The following PLCB1 variants were observed in gnomAD, a reference collection of about 807,000 sequenced individuals.
The protein encoded by PLCB1 is 1-phosphatidylinositol 4,5-bisphosphate phosphodiesterase beta-1.
In PLCB1, 46 loss-of-function variants were observed where a neutral mutation model predicts 161.8. The ratio of observed to expected loss-of-function variants is 0.28; its 90% confidence interval spans 0.22 to 0.36. PLCB1 has a LOEUF of 0.36. PLCB1 is among the 10% of genes least tolerant of loss of function. The pLI is 1.00. For missense variants in PLCB1, 1,016 were observed against 1,472.5 expected (o/e 0.69, Z 5.07); for synonymous variants, 517 against 503.7 (o/e 1.03, Z -0.35).
chr20:8,157,652 A>G (rs1209455893), intron 2 of PLCB1, among the ~76,000 whole-genome samples: 2 of 152,238 alleles, frequency 1.3e-5, no homozygotes, highest in East Asian at 3.8e-4. Context: ...TAGACACAAC[A>G]TACAAATAAA....
rs527327498 is a variant in PLCB1, at chr20:8,574,691, G to T, written c.247-53603G>T. ...AGTCAATCCCACTGGAAACTGGGAG[G>T]CATGATCAAATACAAGCCTCAGAGT... On this transcript the variant is annotated intron_variant, in intron 3 of 31. Transcript: ENST00000338037. 2.0e-5 allele frequency among the ~76,000 whole-genome samples: 3 copies of T among 147,556 alleles called. No homozygotes were observed. In the South Asian group the frequency reaches 6.2e-4, roughly 31 times the overall value.
At chr20:8,477,672 G>T (rs963436604) in intron 3 of PLCB1, among the ~76,000 whole-genome samples, 3 of 152,174 alleles carry the variant, frequency 2.0e-5, no homozygotes, top group African/African-American at 7.2e-5. Context: ...TAGGGAGCAG[G>T]TGTGTCACAT....
At chr20:8,869,698 T>A (rs557232224) in intron 31 of PLCB1, among the ~76,000 whole-genome samples, 1 of 152,322 alleles carries the variant, frequency 6.6e-6, no homozygotes, top group South Asian at 2.1e-4. Flanking sequence ...ATTTATTTAG[T>A]TCATAAGATT....
At chr20:8,542,981 A>T (rs1359875328) in intron 3 of PLCB1, among the ~76,000 whole-genome samples, 3 of 152,232 alleles carry the variant, frequency 2.0e-5, no homozygotes, top group Non-Finnish European at 2.9e-5. Context: ...ATATCAAGGC[A>T]TGGAGAATAC....
At chr20:8,391,867 G>A (rs933588135) in intron 3 of PLCB1, among the ~76,000 whole-genome samples, 4 of 144,974 alleles carry the variant, frequency 2.8e-5, no homozygotes, top group African/African-American at 1.0e-4. Flanking sequence ...CTCAATTTTG[G>A]AGATTAGGTC....
At chr20:8,743,854 A>G (rs1283404099) in intron 23 of PLCB1, among the ~76,000 whole-genome samples, 1 of 152,148 alleles carries the variant, frequency 6.6e-6, no homozygotes. Flanking sequence ...AGACTGTTCT[A>G]TGAGTTTCTC....
chr20:8,285,848 G>A (rs1983093520), intron 2 of PLCB1, among the ~76,000 whole-genome samples: 1 of 152,128 alleles, frequency 6.6e-6, no homozygotes, highest in Non-Finnish European at 1.5e-5. Context: ...TCAAGTGAGA[G>A]GCTTCCAAGA....
At chr20:8,879,338 C>T (rs1420724234) in intron 31 of PLCB1, among the ~76,000 whole-genome samples, 1 of 150,148 alleles carries the variant, frequency 6.7e-6, no homozygotes, top group Non-Finnish European at 1.5e-5. Context: ...GATCCATAAT[C>T]TGTTATCTGA....
At chr20:8,276,986 C>CTTCTTCTTATTATTATTATTATTATTA in intron 2 of PLCB1, among the ~76,000 whole-genome samples, 1 of 93,350 alleles carries the variant, frequency 1.1e-5, no homozygotes, top group East Asian at 3.5e-4. Flanking sequence ...TCTTCTTCTT[C>CTTCTTCTTATTATTATTATTATTATTA]TTATTATTAT....
At chr20:8,561,330 T>C (rs1375486189) in intron 3 of PLCB1, among the ~76,000 whole-genome samples, 2 of 151,998 alleles carry the variant, frequency 1.3e-5, no homozygotes, top group Non-Finnish European at 2.9e-5. Context: ...ATGAACCGTA[T>C]AACTAAGTTT....
chr20:8,329,320 CTTTTTTT>C (rs11477930), intron 2 of PLCB1, among the ~76,000 whole-genome samples: 1 of 139,492 alleles, frequency 7.2e-6, no homozygotes, highest in Non-Finnish European at 1.6e-5. Context: ...AAAATAAATA[CTTTTTTT>C]TTTTTTTTTT....
At position 8,171,964 on chromosome 20, in the gene PLCB1, C is replaced by A. The variant is rs145405893; in HGVS notation, c.177+21593C>A. 2.3e-3 allele frequency among the ~76,000 whole-genome samples: 344 copies of A among 152,100 alleles called. 2 individuals carry two copies. The highest frequency in any genetic ancestry group is 7.9e-3 in the African/African-American group (329 of 41,494). On this transcript the variant is annotated intron_variant, in intron 2 of 31. Transcript: ENST00000338037. ...GTGTTCACTTCTCTGGGAACTGTCC[C>A]GTCTGTTGTTGCGTATCATATGTTC...
intron 2 of PLCB1, among the ~76,000 whole-genome samples, chr20:8,247,870 C>T (rs576385788): frequency 1.3e-5 from 2 of 151,996 alleles, no homozygotes; most frequent in South Asian, 4.1e-4. Context: ...CCTATATTAC[C>T]CTTGGGTAAG....
chr20:8,297,779 T>C (rs143531202), intron 2 of PLCB1, among the ~76,000 whole-genome samples: 21 of 152,282 alleles, frequency 1.4e-4, no homozygotes, highest in Middle Eastern at 3.4e-3. Context: ...CAAGAGCTAT[T>C]AATTTCAGTG....
intron 11 of PLCB1, among the ~76,000 whole-genome samples, chr20:8,707,041 G>T (rs1026234739): frequency 2.0e-5 from 3 of 152,228 alleles, no homozygotes; most frequent in African/African-American, 7.2e-5. Flanking sequence ...TTTAAAATCT[G>T]GATGTTGCTT....
intron 9 of PLCB1, among the ~76,000 whole-genome samples, chr20:8,668,941 G>A (rs140916210): frequency 9.9e-5 from 15 of 152,282 alleles, no homozygotes; most frequent in Non-Finnish European, 1.3e-4. Context: ...CTTATTGAAC[G>A]CATTTCTTTA....
chr20:8,214,967 T>TGG (rs1979040263), intron 2 of PLCB1, among the ~76,000 whole-genome samples: 1 of 152,138 alleles, frequency 6.6e-6, no homozygotes, highest in Non-Finnish European at 1.5e-5. Context: ...CAGTTATTGC[T>TGG]GAAATAGGTT....
intron 3 of PLCB1, among the ~76,000 whole-genome samples, chr20:8,482,958 A>G (rs6086464): frequency 0.52 from 78,493 of 150,910 alleles, 21,400 homozygotes; most frequent in East Asian, 0.66. Context: ...AGTTATTTAG[A>G]GGTAAGGAAA....
intron 2 of PLCB1, among the ~76,000 whole-genome samples, chr20:8,286,005 T>C (rs1983100857): frequency 1.3e-5 from 2 of 152,214 alleles, no homozygotes; most frequent in South Asian, 4.1e-4. Context: ...TTATAAGGAA[T>C]CCAAGAAGCA....
Sources: gnomAD v4.1 joint callset for allele counts (sites outside exome capture counted in the v4.1 genomes callset) on GRCh38, gnomAD v4.1.1 for gene constraint, MANE v1.5 for transcripts, NCBI Gene and HGNC (gene_info 2026-07-23, HGNC 2026-07-21) for gene names.